Variants in RBKS observed in about 807,000 individuals in gnomAD.
RBKS encodes ribokinase.
Under a neutral mutation model 33.9 loss-of-function variants are expected in RBKS, and 33 were observed. The observed-to-expected ratio is 0.97, with a 90% CI of 0.74 to 1.30. RBKS has a LOEUF of 1.30. RBKS is among the 50% of genes most tolerant of loss of function. The probability of loss-of-function intolerance (pLI) is 0.00; values close to 1 mark genes in which losing one functional copy is unlikely to be tolerated. For synonymous variants in RBKS, 125 were observed against 143.0 expected (o/e 0.87, Z 0.90); for missense variants, 361 against 392.6 (o/e 0.92, Z 0.68).
chr2:27,789,971 A>ATATGTATATG (rs1457091459), intron 7 of RBKS, among the ~76,000 whole-genome samples: 1 of 128,614 alleles, frequency 7.8e-6, no homozygotes. Flanking sequence ...ATATATATAT[A>ATATGTATATG]TGTATATATA....
rs1438740427 is a variant in RBKS at position 27,796,548 on chromosome 2, C to T, written c.796-14760G>A. 4.6e-5 allele frequency among the ~76,000 whole-genome samples: 7 copies of T among 152,080 alleles called. No individual in the cohort carries two copies. In the East Asian group the frequency reaches 1.3e-3, roughly 29 times the overall value. On this transcript the variant is annotated intron_variant, in intron 7 of 7. Coordinates refer to ENST00000302188, the MANE Select transcript of RBKS (RefSeq NM_022128.3). ...TGCCTTCCTGAGGTCCTTGACACTT[C>T]TGGGTTCTGAGTTCTAGTGGTGCCC...
At chr2:27,815,270 T>C (rs1163885416) in intron 7 of RBKS, among the ~76,000 whole-genome samples, 1 of 152,052 alleles carries the variant, frequency 6.6e-6, no homozygotes, top group African/African-American at 2.4e-5. Flanking sequence ...TATAGTGGCA[T>C]GATCTCAGCT....
chr2:27,821,040 CAAAAAAA>C (rs59964452), intron 7 of RBKS, among the ~76,000 whole-genome samples: 1 of 68,442 alleles, frequency 1.5e-5, no homozygotes, highest in African/African-American at 4.9e-5. Context: ...AACTCCATCT[CAAAAAAA>C]AAAAAAAAAA....
intron 7 of RBKS, among the ~76,000 whole-genome samples, chr2:27,825,752 A>G (rs1358056491): frequency 6.6e-6 from 1 of 152,214 alleles, no homozygotes; most frequent in Non-Finnish European, 1.5e-5. Flanking sequence ...ATTCTGCCAT[A>G]TCTTTACACT....
intron 4 of RBKS, among the ~76,000 whole-genome samples, chr2:27,844,549 C>T (rs188861513): frequency 1.6e-3 from 238 of 152,026 alleles, no homozygotes; most frequent in South Asian, 0.014. Flanking sequence ...TGTGCCGCCA[C>T]GCCTGGCTAA....
At chr2:27,860,962 T>C (rs1204315559) in intron 1 of RBKS, among the ~76,000 whole-genome samples, 1 of 145,144 alleles carries the variant, frequency 6.9e-6, no homozygotes, top group Non-Finnish European at 1.5e-5. Context: ...TCTGTCTCTG[T>C]CTCTCTTTCT....
chr2:27,783,893 C>G (rs184881055), intron 7 of RBKS, among the ~76,000 whole-genome samples: 1 of 116,614 alleles, frequency 8.6e-6, no homozygotes, highest in Admixed American at 1.1e-4. Context: ...GGCGACAGAG[C>G]GAGACTCTGT....
At chr2:27,868,981 T>C (rs1664152709) in intron 1 of RBKS, among the ~76,000 whole-genome samples, 1 of 152,188 alleles carries the variant, frequency 6.6e-6, no homozygotes, top group Non-Finnish European at 1.5e-5. Flanking sequence ...CACTTAATCA[T>C]TACAATAACC....
intron 2 of RBKS, among the ~76,000 whole-genome samples, chr2:27,851,274 C>T (rs1663740581): frequency 6.6e-6 from 1 of 152,196 alleles, no homozygotes; most frequent in South Asian, 2.1e-4. Context: ...AATCAAACCT[C>T]ACCTGTTTTT....
intron 1 of RBKS, among the ~76,000 whole-genome samples, chr2:27,865,161 A>G (rs1190010358): frequency 6.6e-6 from 1 of 152,190 alleles, no homozygotes; most frequent in Non-Finnish European, 1.5e-5. Flanking sequence ...TCTACTAAAA[A>G]TACAAAAAAT....
intron 5 of RBKS, among the ~76,000 whole-genome samples, chr2:27,838,339 A>AC (rs1397544237): frequency 1.3e-5 from 2 of 152,254 alleles, no homozygotes; most frequent in Non-Finnish European, 2.9e-5. Flanking sequence ...ATATAGGTTT[A>AC]CCATACTATT....
At chr2:27,879,834 G>A (rs1664384479) in intron 1 of RBKS, among the ~76,000 whole-genome samples, 1 of 152,126 alleles carries the variant, frequency 6.6e-6, no homozygotes, top group South Asian at 2.1e-4. Flanking sequence ...CTCCGAAACT[G>A]AATCAGTAAT....
intron 2 of RBKS, among the ~76,000 whole-genome samples, chr2:27,848,764 C>T (rs1663673026): frequency 6.6e-6 from 1 of 151,680 alleles, no homozygotes; most frequent in African/African-American, 2.4e-5. Context: ...ATTGCTTGAA[C>T]CCGGAGGTGG....
chr2:27,814,061 A>G (rs567504628), intron 7 of RBKS, among the ~76,000 whole-genome samples: 4 of 146,800 alleles, frequency 2.7e-5, no homozygotes, highest in African/African-American at 5.1e-5. Flanking sequence ...CCAGCTCTAG[A>G]AAAAAAAAAA....
chr2:27,848,546 G>A (rs891463140), intron 2 of RBKS, among the ~76,000 whole-genome samples: 7 of 152,146 alleles, frequency 4.6e-5, no homozygotes, highest in African/African-American at 1.4e-4. Context: ...AATTTTAAAG[G>A]CCCTAGCTAA....
chr2:27,813,065 A>T (rs1181489850), intron 7 of RBKS, among the ~76,000 whole-genome samples: 4 of 151,882 alleles, frequency 2.6e-5, no homozygotes, highest in Non-Finnish European at 4.4e-5. Context: ...AATTTATACT[A>T]CCTGTGTGGC....
At chr2:27,883,702 G>T (rs1469118792) in intron 1 of RBKS, among the ~76,000 whole-genome samples, 2 of 152,014 alleles carry the variant, frequency 1.3e-5, no homozygotes, top group Non-Finnish European at 1.5e-5. Context: ...TACACAGTAG[G>T]TGCTCTTTCT....
At chr2:27,823,852 A>G (rs66884613) in intron 7 of RBKS, among the ~76,000 whole-genome samples, 9,288 of 152,236 alleles carry the variant, frequency 0.061, 605 homozygotes, top group African/African-American at 0.16. Flanking sequence ...ATCCATTCAT[A>G]AGTGAATTGC....
chr2:27,819,374 C>A (rs116651689), intron 7 of RBKS, among the ~76,000 whole-genome samples: 216 of 152,274 alleles, frequency 1.4e-3, no homozygotes, highest in African/African-American at 5.1e-3. Flanking sequence ...ACCATAATTA[C>A]TTTCTTTTCC....
Sources: allele counts gnomAD v4.1 joint callset (sites outside exome capture counted in the v4.1 genomes callset), GRCh38; gene constraint gnomAD v4.1.1; transcripts MANE v1.5; gene names NCBI Gene and HGNC (gene_info 2026-07-23, HGNC 2026-07-21).